Variants in IPCEF1 observed in about 807,000 individuals in gnomAD.
IPCEF1 encodes the protein interactor protein for cytohesin exchange factors 1.
Under a neutral mutation model 50.9 loss-of-function variants are expected in IPCEF1, and 31 were observed. That is an observed-to-expected ratio of 0.61 (90% confidence interval 0.46 to 0.82). The LOEUF is 0.82. Among genes scored for constraint, IPCEF1 ranks in the 40% least tolerant of loss-of-function variants. IPCEF1 has a pLI of 0.00. For missense variants in IPCEF1, 458 were observed against 514.0 expected (o/e 0.89, Z 1.05); for synonymous variants, 181 against 192.0 (o/e 0.94, Z 0.47).
chr6:154,183,215 G>A (rs771402160), intron 10 of IPCEF1, among the ~76,000 whole-genome samples: 74 of 152,216 alleles, frequency 4.9e-4, no homozygotes, highest in Middle Eastern at 6.8e-3. Context: ...TCCTGACCTC[G>A]TGATCTGCCC....
intron 1 of IPCEF1, among the ~76,000 whole-genome samples, chr6:154,295,563 CA>C (rs1782627509): frequency 6.6e-6 from 1 of 152,134 alleles, no homozygotes; most frequent in Admixed American, 6.5e-5. Context: ...GAACAGAGAG[CA>C]CAGGGGGTCT....
Position 154,256,070 on chromosome 6 carries a change from T to C in IPCEF1, c.37-8582A>G, listed in dbSNP as rs539961013. On this transcript the variant is annotated intron_variant, in intron 3 of 11. Transcript: ENST00000367220. ...TGTTCTGGGATTTGTCTTAGTCAGT[T>C]TGGACTGCTGTAACAGAGTACCATA... is the stretch of plus-strand genomic sequence containing the variant. Among the ~76,000 whole-genome samples the C allele has an allele frequency of 2.6e-5, 4 of 152,346 alleles. No individual in the cohort carries two copies. In the South Asian group the frequency reaches 8.3e-4, roughly 32 times the overall value.
At chr6:154,231,714 C>A (rs745480752) in intron 5 of IPCEF1, among the ~76,000 whole-genome samples, 6 of 151,966 alleles carry the variant, frequency 3.9e-5, no homozygotes, top group Non-Finnish European at 8.8e-5. Context: ...GAAAATAAAC[C>A]AAAAACAAAT....
chr6:154,177,252 C>T (rs1346982169), intron 10 of IPCEF1, among the ~76,000 whole-genome samples: 2 of 152,124 alleles, frequency 1.3e-5, no homozygotes, highest in Non-Finnish European at 2.9e-5. Flanking sequence ...ACTAAAACAC[C>T]AAAAGCAATG....
chr6:154,301,912 C>A (rs909022373), intron 1 of IPCEF1, among the ~76,000 whole-genome samples: 1 of 152,144 alleles, frequency 6.6e-6, no homozygotes, highest in Non-Finnish European at 1.5e-5. Flanking sequence ...GGCTTGAAGG[C>A]ATTTGGAATG....
intron 1 of IPCEF1, among the ~76,000 whole-genome samples, chr6:154,345,480 TAA>T (rs1784010029): frequency 6.6e-6 from 1 of 152,128 alleles, no homozygotes; most frequent in Admixed American, 6.6e-5. Flanking sequence ...AGCACCAATA[TAA>T]GATCGCAAAA....
At chr6:154,165,648 G>T (rs762938845) in intron 11 of IPCEF1, among the ~76,000 whole-genome samples, 3 of 152,180 alleles carry the variant, frequency 2.0e-5, no homozygotes, top group South Asian at 2.1e-4. Context: ...CCCTGAGCGG[G>T]CCCCCAATCT....
chr6:154,326,294 T>C (rs1040351409), intron 1 of IPCEF1, among the ~76,000 whole-genome samples: 15 of 151,598 alleles, frequency 9.9e-5, no homozygotes, highest in African/African-American at 3.6e-4. Flanking sequence ...TTTTGGCAGA[T>C]GACATAATCC....
chr6:154,185,747 A>C lies in IPCEF1; in HGVS notation c.910+13921T>G, dbSNP rs113548565. ...AACTGTCTTGGGCTACACATAAAAT[A>C]CACTAACAATAGCTGAAACAAAAGC... On this transcript the variant is annotated intron_variant, in intron 10 of 11. Transcript: ENST00000367220. 6.2e-3 allele frequency among the ~76,000 whole-genome samples: 945 copies of C among 152,352 alleles called. 11 individuals carry two copies. The highest frequency in any genetic ancestry group is 0.021 in the African/African-American group (860 of 41,570).
At chr6:154,277,969 G>A (rs754748139) in intron 2 of IPCEF1, among the ~76,000 whole-genome samples, 16 of 151,646 alleles carry the variant, frequency 1.1e-4, no homozygotes, top group Non-Finnish European at 2.1e-4. Context: ...ACTGGGTACC[G>A]CACCCACCTC....
At chr6:154,330,081 T>C (rs911642465) in intron 1 of IPCEF1, 6 of 152,214 alleles carry the variant, frequency 3.9e-5, no homozygotes, top group African/African-American at 1.4e-4. Flanking sequence ...AGACTACATG[T>C]GGGCTTAGAA....
Position 154,156,773 on chromosome 6 carries a change from A to G in IPCEF1, c.*3055T>C, listed in dbSNP as rs1329832143. 6.6e-6 allele frequency: 1 copy of G among 152,218 alleles called. No individual in the cohort carries two copies. Among genetic ancestry groups the G allele is most frequent in the Non-Finnish European group, 1.5e-5 (1 of 68,054 alleles). The allele number at this position is 152,218 out of a possible 1,614,324, so 9.4% of individuals were successfully genotyped here. A position where few individuals can be genotyped will look rare whatever the true frequency, so the allele number is the denominator to read the frequency against. ...AAAGCAAAAGACGCCCTTGCAATGC[A>G]GGGCTCAGAGTGTCTATTTGCAATA... On this transcript the variant is annotated 3_prime_UTR_variant, in exon 12 of 12. Transcript: ENST00000367220.
intron 10 of IPCEF1, among the ~76,000 whole-genome samples, chr6:154,189,403 G>T (rs982516987): frequency 6.6e-6 from 1 of 152,116 alleles, no homozygotes; most frequent in African/African-American, 2.4e-5. Context: ...AGAAATGCAG[G>T]CATATGTGGA....
At chr6:154,251,724 T>A (rs1008267226) in intron 3 of IPCEF1, among the ~76,000 whole-genome samples, 3 of 152,042 alleles carry the variant, frequency 2.0e-5, no homozygotes, top group Non-Finnish European at 2.9e-5. Context: ...GGACTAGAGA[T>A]TGTGGCGAAG....
At chr6:154,342,198 A>C (rs533832408) in intron 1 of IPCEF1, among the ~76,000 whole-genome samples, 1 of 152,250 alleles carries the variant, frequency 6.6e-6, no homozygotes, top group South Asian at 2.1e-4. Context: ...CTAGCTCCTA[A>C]ACCTGAAGTC....
chr6:154,330,411 TA>T (rs1365365463), intron 1 of IPCEF1, among the ~76,000 whole-genome samples: 10 of 143,064 alleles, frequency 7.0e-5, no homozygotes, highest in African/African-American at 2.5e-4. Context: ...CATAGCTCAC[TA>T]TATAGCCTCA....
At chr6:154,290,392 C>A (rs534156215) in intron 1 of IPCEF1, among the ~76,000 whole-genome samples, 3 of 152,274 alleles carry the variant, frequency 2.0e-5, no homozygotes, top group Non-Finnish European at 4.4e-5. Flanking sequence ...GTATAAAACC[C>A]CAAGTCAAAG....
intron 1 of IPCEF1, among the ~76,000 whole-genome samples, chr6:154,349,216 G>A (rs2128701249): frequency 6.6e-6 from 1 of 150,736 alleles, no homozygotes; most frequent in Non-Finnish European, 1.5e-5. Flanking sequence ...TATTGAGACA[G>A]GGTCACTCTC....
At chr6:154,334,553 C>G (rs151092616) in intron 1 of IPCEF1, among the ~76,000 whole-genome samples, 2 of 152,126 alleles carry the variant, frequency 1.3e-5, no homozygotes, top group Non-Finnish European at 2.9e-5. Flanking sequence ...CTGGGAGGCA[C>G]GAAGGAGCAG....
Sources: allele counts gnomAD v4.1 joint callset (sites outside exome capture counted in the v4.1 genomes callset), GRCh38; gene constraint gnomAD v4.1.1; transcripts MANE v1.5; gene names NCBI Gene and HGNC (gene_info 2026-07-23, HGNC 2026-07-21).